RAB21: variants seen among roughly 807,000 people sequenced by gnomAD.
RAB21 encodes the protein ras-related protein Rab-21.
Under a neutral mutation model 33.1 loss-of-function variants are expected in RAB21, and 13 were observed. The observed-to-expected ratio is 0.39, with a 90% CI of 0.26 to 0.62. The LOEUF (loss-of-function observed/expected upper bound fraction) is 0.62. Ranked by LOEUF, RAB21 falls within the 20% of genes least tolerant of loss-of-function variation. The pLI, the probability that RAB21 is intolerant of heterozygous loss-of-function variation, is 0.48. For synonymous variants in RAB21, 91 were observed against 103.7 expected, an observed-to-expected ratio of 0.88 and a Z score of 0.74; for missense variants, 234 against 279.1, an observed-to-expected ratio of 0.84 and a Z score of 1.15.
Position 71,755,265 on chromosome 12 carries a change from G to C in RAB21, c.136G>C (p.Asp46His). The change falls in exon 1 of 7, where the codon GAC becomes CAC. Residue 46 changes from aspartate to histidine, a missense_variant. Coordinates refer to ENST00000261263, the MANE Select transcript of RAB21 (RefSeq NM_014999.4). ...GCGCTACTGCGAGAACAAGTTTAAC[G>C]ACAAGCACATCACCACTCTGCAGGT... ...VLRYCENKFNDKHITTLQASF... is the reference protein window; with the variant it reads ...VLRYCENKFNHKHITTLQASF... 1.3e-6 allele frequency: 2 copies of C among 1,540,546 alleles called. No individual in the cohort carries two copies. Among genetic ancestry groups the C allele is most frequent in the South Asian group, 1.2e-5 (1 of 80,914 alleles).
At chr12:71,765,707 C>CT (rs547735968) in intron 1 of RAB21, among the ~76,000 whole-genome samples, 7 of 151,956 alleles carry the variant, frequency 4.6e-5, no homozygotes, top group Non-Finnish European at 1.0e-4. Flanking sequence ...GTTAAATAGG[C>CT]TATCTTTTCC....
At position 71,788,700 on chromosome 12, in the gene RAB21, G is replaced by C. The variant is rs116418170; in HGVS notation, c.*3027G>C. 30 of 152,224 alleles carry C rather than the reference G, an allele frequency of 2.0e-4. No individual in the cohort carries two copies. Among genetic ancestry groups the C allele is most frequent in the African/African-American group, 6.7e-4 (28 of 41,546 alleles). 9.4% of individuals were successfully genotyped at this position (152,224 alleles called of 1,614,324 possible). A position where few individuals can be genotyped will look rare whatever the true frequency, so the allele number is the denominator to read the frequency against. Reference sequence around the variant, plus strand: ...TTTTTTCAGCCAGTAAGCATATACAGTTAACTTATATAATTAAAAATTGGT... The same window carrying C: ...TTTTTTCAGCCAGTAAGCATATACACTTAACTTATATAATTAAAAATTGGT... On this transcript the variant is annotated 3_prime_UTR_variant, in exon 7 of 7. Transcript: ENST00000261263.
chr12:71,796,666 C>T lies in RAB21; in HGVS notation c.*10993C>T, dbSNP rs772455209. The stretch of plus-strand genomic sequence containing the variant: ...TTTTAAGCTTTACTGGTCATTTGTC[C>T]CCCTCATGTTGTACCTAATAAGTGT... On this transcript the variant is annotated 3_prime_UTR_variant, in exon 7 of 7. Coordinates refer to ENST00000261263, the MANE Select transcript of RAB21 (RefSeq NM_014999.4). The T allele has an allele frequency of 2.2e-5, 3 of 135,778 alleles. 1 individual carries two copies. The highest frequency in any genetic ancestry group is 4.6e-5 in the Non-Finnish European group (3 of 65,654). 8.4% of individuals were successfully genotyped at this position (135,778 alleles called of 1,614,324 possible). A position where few individuals can be genotyped will look rare whatever the true frequency, so the allele number is the denominator to read the frequency against.
At chr12:71,767,492 T>G (rs569996567) in intron 1 of RAB21, among the ~76,000 whole-genome samples, 3 of 151,768 alleles carry the variant, frequency 2.0e-5, no homozygotes, top group Admixed American at 1.3e-4. Flanking sequence ...TGTTGTGGGG[T>G]TTTTTTTGTT....
At chr12:71,779,238 C>T (rs1419647716) in intron 4 of RAB21, among the ~76,000 whole-genome samples, 3 of 152,036 alleles carry the variant, frequency 2.0e-5, no homozygotes, top group Non-Finnish European at 2.9e-5. Context: ...GGTGGGCAGA[C>T]TGCTTGAGTC....
At position 71,790,823 on chromosome 12, in the gene RAB21, C is replaced by G. The variant is rs1436383195; in HGVS notation, c.*5150C>G. ...CTAGGAGCTCTTTGGTAAATACAGACTTTTTCATTTTATTTCCTCCCACAT... is the reference window on the plus strand; with the variant it reads ...CTAGGAGCTCTTTGGTAAATACAGAGTTTTTCATTTTATTTCCTCCCACAT... On this transcript the variant is annotated 3_prime_UTR_variant, in exon 7 of 7. Coordinates refer to ENST00000261263, the MANE Select transcript of RAB21 (RefSeq NM_014999.4). The G allele has an allele frequency of 1.3e-5, 2 of 151,324 alleles. No individual in the cohort carries two copies. Among genetic ancestry groups the G allele is most frequent in the African/African-American group, 4.8e-5 (2 of 41,290 alleles). 9.4% of individuals were successfully genotyped at this position (151,324 alleles called of 1,614,324 possible). A position where few individuals can be genotyped will look rare whatever the true frequency, so the allele number is the denominator to read the frequency against.
At chr12:71,761,934 C>T (rs958069332) in intron 1 of RAB21, among the ~76,000 whole-genome samples, 1 of 152,074 alleles carries the variant, frequency 6.6e-6, no homozygotes, top group Non-Finnish European at 1.5e-5. Context: ...TTTGAGTGTT[C>T]AAAGTATTTT....
In RAB21 at chr12:71,797,640, A is replaced by T. The variant is rs1228555117; in HGVS notation, c.*11967A>T. 5.5e-5 allele frequency: 8 copies of T among 144,284 alleles called. No individual in the cohort carries two copies. Among genetic ancestry groups the T allele is most frequent in the Non-Finnish European group, 1.2e-4 (8 of 66,876 alleles). 8.9% of individuals were successfully genotyped at this position (144,284 alleles called of 1,614,324 possible). A position where few individuals can be genotyped will look rare whatever the true frequency, so the allele number is the denominator to read the frequency against. On this transcript the variant is annotated 3_prime_UTR_variant, in exon 7 of 7. Transcript: ENST00000261263. ...TTCTTTGAGGAAAAAAAAAAAAAAA[A>T]GCAAGACTAGCCAGGAAAACTGAAA...
intron 1 of RAB21, among the ~76,000 whole-genome samples, chr12:71,759,100 T>C (rs942076078): frequency 2.0e-5 from 3 of 152,244 alleles, no homozygotes; most frequent in African/African-American, 7.2e-5. Flanking sequence ...GTAGTTAAGC[T>C]TTTTCTTTTG....
chr12:71,766,497 T>A (rs1335510788), intron 1 of RAB21, among the ~76,000 whole-genome samples: 1 of 152,114 alleles, frequency 6.6e-6, no homozygotes. Context: ...ATTAAGTGAA[T>A]TAATATTTGA....
At chr12:71,774,168 C>T (rs983589356) in intron 4 of RAB21, 146 bp downstream of exon 4, 3 of 510,006 alleles carry the variant, frequency 5.9e-6, no homozygotes, top group African/African-American at 4.1e-5. Flanking sequence ...AGGATTTAGC[C>T]TGGTGCAGTG....
In RAB21 at chr12:71,796,458, G is replaced by A. The variant is rs1290024777; in HGVS notation, c.*10785G>A. 7.3e-6 allele frequency: 1 copy of A among 137,558 alleles called. No individual in the cohort carries two copies. The highest frequency in any genetic ancestry group is 7.5e-5 in the Admixed American group (1 of 13,366). The allele number at this position is 137,558 out of a possible 1,614,324, so 8.5% of individuals were successfully genotyped here. A position where few individuals can be genotyped will look rare whatever the true frequency, so the allele number is the denominator to read the frequency against. On this transcript the variant is annotated 3_prime_UTR_variant, in exon 7 of 7. Coordinates refer to ENST00000261263, the MANE Select transcript of RAB21 (RefSeq NM_014999.4). Reference sequence around the variant, plus strand: ...AATAAATATGTGCTTTATCAAAGTGGAACTTCTGATTTTCTGTAATATTAG... The same window carrying A: ...AATAAATATGTGCTTTATCAAAGTGAAACTTCTGATTTTCTGTAATATTAG...
intron 1 of RAB21, among the ~76,000 whole-genome samples, chr12:71,758,528 T>G (rs1006185301): frequency 1.3e-5 from 2 of 150,746 alleles, no homozygotes; most frequent in Admixed American, 1.3e-4. Flanking sequence ...GGAGGCAGAG[T>G]CTTGCTCTAG....
At chr12:71,780,628 CCT>C (rs1171913346) in intron 4 of RAB21, among the ~76,000 whole-genome samples, 1 of 152,106 alleles carries the variant, frequency 6.6e-6, no homozygotes, top group Non-Finnish European at 1.5e-5. Context: ...TGTCTGCTTC[CCT>C]CTCTCTGATT....
Position 71,784,282 on chromosome 12 carries a change from A to C in RAB21, c.536-1249A>C, listed in dbSNP as rs144746403. ...CCATTTTTCTTACCTGTGTCTCTTA[A>C]AGTGCAGTTTTAAGTTTCAGTGAGG... is the stretch of plus-strand genomic sequence containing the variant. On this transcript the variant is annotated intron_variant, in intron 6 of 6. Coordinates refer to ENST00000261263, the MANE Select transcript of RAB21 (RefSeq NM_014999.4). Among the ~76,000 whole-genome samples the C allele has an allele frequency of 4.6e-3, 707 of 152,126 alleles. 2 individuals carry two copies. The highest frequency in any genetic ancestry group is 7.7e-3 in the Non-Finnish European group (526 of 67,994).
At chr12:71,784,475 T>A (rs1592650924) in intron 6 of RAB21, among the ~76,000 whole-genome samples, 1 of 152,148 alleles carries the variant, frequency 6.6e-6, no homozygotes, top group Admixed American at 6.5e-5. Context: ...TCATTTTTCG[T>A]TGTTTTTTGC....
In RAB21 at chr12:71,794,516, A is replaced by T. The variant is rs1206031894; in HGVS notation, c.*8843A>T. The T allele has an allele frequency of 8.0e-6, 1 of 125,128 alleles. No homozygotes were observed. The highest frequency in any genetic ancestry group is 1.6e-5 in the Non-Finnish European group (1 of 63,052). 7.8% of individuals were successfully genotyped at this position (125,128 alleles called of 1,614,324 possible). On this transcript the variant is annotated 3_prime_UTR_variant, in exon 7 of 7. Coordinates refer to ENST00000261263, the MANE Select transcript of RAB21 (RefSeq NM_014999.4). ...CAGTGGCGCTATCTCGGCTCACTGC[A>T]AGCTCCGGCTCCCGAGTTCACACCA... is the stretch of plus-strand genomic sequence containing the variant.
rs1161511408 is a variant in RAB21 at position 71,755,091 on chromosome 12, G to T, written c.-39G>T. On this transcript the variant is annotated 5_prime_UTR_variant, in exon 1 of 7. Transcript: ENST00000261263. ...GCGCTGCCGCGGCTGTCGGGAGGGCGGCGCGACACTCGGGCTCGGGCGGCC... is the reference window on the plus strand; with the variant it reads ...GCGCTGCCGCGGCTGTCGGGAGGGCTGCGCGACACTCGGGCTCGGGCGGCC... The T allele has an allele frequency of 1.4e-5, 15 of 1,081,240 alleles. No homozygotes were observed. Among genetic ancestry groups the T allele is most frequent in the Non-Finnish European group, 1.7e-5 (15 of 894,882 alleles). The allele number at this position is 1,081,240 out of a possible 1,614,324, so 67.0% of individuals were successfully genotyped here. A position where few individuals can be genotyped will look rare whatever the true frequency, so the allele number is the denominator to read the frequency against.
intron 4 of RAB21, among the ~76,000 whole-genome samples, chr12:71,776,089 T>C (rs905129912): frequency 4.6e-5 from 7 of 152,164 alleles, no homozygotes; most frequent in African/African-American, 9.7e-5. Context: ...TTGTGTGGTA[T>C]ATGGACTTAC....
Sources: gnomAD v4.1 joint callset for allele counts (sites outside exome capture counted in the v4.1 genomes callset) on GRCh38, gnomAD v4.1.1 for gene constraint, MANE v1.5 for transcripts, NCBI Gene and HGNC (gene_info 2026-07-23, HGNC 2026-07-21) for gene names.